Variants in STK3 observed in about 807,000 individuals in gnomAD.
STK3 encodes the protein serine/threonine kinase 3.
A neutral mutation model predicts 58.0 loss-of-function variants in STK3; 41 were observed. That is an observed-to-expected ratio of 0.71 (90% CI 0.55 to 0.92). The LOEUF (loss-of-function observed/expected upper bound fraction) is 0.92. Among genes scored for constraint, STK3 ranks in the 40% least tolerant of loss-of-function variants. STK3 has a pLI of 0.00. For synonymous variants in STK3, 170 were observed against 191.0 expected, an observed-to-expected ratio of 0.89 and a Z score of 0.91; for missense variants, 479 against 602.7, an observed-to-expected ratio of 0.79 and a Z score of 2.15.
At chr8:98,713,980 G>T (rs199516155) in intron 4 of STK3, among the ~76,000 whole-genome samples, 7 of 151,960 alleles carry the variant, frequency 4.6e-5, no homozygotes, top group Admixed American at 4.6e-4. Flanking sequence ...TTCAACATAC[G>T]CAAATGAATA....
chr8:98,581,035 T>C (rs927052899), intron 7 of STK3, among the ~76,000 whole-genome samples: 1 of 152,240 alleles, frequency 6.6e-6, no homozygotes, highest in African/African-American at 2.4e-5. Flanking sequence ...TGGTAGAGAC[T>C]CCTGGTCATA....
In STK3 at chr8:98,876,598, A is replaced by T. The variant is rs1465369161; in HGVS notation, c.110+7049T>A. ...AGGACCACAGGAACACTCTCACTAC[A>T]CTGCGGCTCCACAAAGCTTTATTCT... On this transcript the variant is annotated intron_variant, in intron 3 of 12. Transcript: ENST00000523601. 2.6e-5 allele frequency among the ~76,000 whole-genome samples: 4 copies of T among 152,292 alleles called. No individual in the cohort carries two copies. The East Asian group carries it at 5.8e-4, about 22-fold the overall frequency.
Position 98,502,507 on chromosome 8 carries a change from G to A in STK3, c.1317+24235C>T, listed in dbSNP as rs1030661432. 9.9e-5 allele frequency among the ~76,000 whole-genome samples: 15 copies of A among 152,152 alleles called. 1 individual carries two copies. Among genetic ancestry groups the A allele is most frequent in the Admixed American group, 9.2e-4 (14 of 15,274 alleles). On this transcript the variant is annotated intron_variant, in intron 10 of 10. Coordinates refer to ENST00000419617, the MANE Select transcript of STK3 (RefSeq NM_006281.4). ...CAAGTTTTCAAAGGGAATGCTTCCA[G>A]TTTTTGCCCATTCAGTATGATATTG...
intron 1 of STK3, among the ~76,000 whole-genome samples, chr8:98,897,756 A>G (rs1029316088): frequency 1.3e-5 from 2 of 152,140 alleles, no homozygotes; most frequent in African/African-American, 4.8e-5. Flanking sequence ...TAAGGCCTGT[A>G]TTTTCTCTTC....
At chr8:98,630,178 C>CCATG (rs1819073717) in intron 6 of STK3, among the ~76,000 whole-genome samples, 1 of 152,186 alleles carries the variant, frequency 6.6e-6, no homozygotes, top group South Asian at 2.1e-4. Flanking sequence ...GTCTGATGTG[C>CCATG]CATGCCCTCT....
Position 98,719,197 on chromosome 8 carries a change from G to A in STK3, c.352-11886C>T, listed in dbSNP as rs1356885905. ...CTGTCATGTGCACCTAGCTTTTCTC[G>A]TCTGTCCTCATCCTCCACTCTTTGT... On this transcript the variant is annotated intron_variant, in intron 4 of 10. Transcript: ENST00000419617. Among the ~76,000 whole-genome samples, 11 of 152,128 alleles carry A rather than the reference G, an allele frequency of 7.2e-5. No individual in the cohort carries two copies. In the South Asian group the frequency reaches 1.0e-3, roughly 14 times the overall value.
At chr8:98,429,497 G>A (rs1016958013) in intron 3 of STK3, 14 of 967,892 alleles carry the variant, frequency 1.4e-5, no homozygotes, top group Non-Finnish European at 2.2e-5. Context: ...TATGGTTATG[G>A]TGTAAGGAGT....
At chr8:98,611,861 A>G (rs1004820958) in intron 6 of STK3, among the ~76,000 whole-genome samples, 2 of 152,048 alleles carry the variant, frequency 1.3e-5, no homozygotes, top group Admixed American at 6.5e-5. Context: ...ATCAAACAGT[A>G]TGGATCCAAA....
chr8:98,815,736 G>A (rs1315646687), intron 1 of STK3, among the ~76,000 whole-genome samples: 1 of 152,146 alleles, frequency 6.6e-6, no homozygotes, highest in African/African-American at 2.4e-5. Context: ...TTGAAAACTT[G>A]TAAATAAAAG....
intron 6 of STK3, among the ~76,000 whole-genome samples, chr8:98,658,489 G>T (rs533739822): frequency 1.3e-5 from 2 of 152,140 alleles, no homozygotes; most frequent in East Asian, 3.9e-4. Context: ...CCCAAACTAT[G>T]TAAGAAGTTA....
chr8:98,733,934 T>C (rs1387650202), intron 4 of STK3, among the ~76,000 whole-genome samples: 1 of 152,178 alleles, frequency 6.6e-6, no homozygotes, highest in African/African-American at 2.4e-5. Context: ...AGAGATTTGA[T>C]TGACTCACAG....
intron 4 of STK3, among the ~76,000 whole-genome samples, chr8:98,736,652 C>T (rs1167216500): frequency 6.6e-6 from 1 of 152,040 alleles, no homozygotes; most frequent in Non-Finnish European, 1.5e-5. Context: ...GAACGCTTTA[C>T]CCCTAATAAG....
chr8:98,735,424 T>C (rs1342996675), intron 4 of STK3, among the ~76,000 whole-genome samples: 1 of 152,166 alleles, frequency 6.6e-6, no homozygotes, highest in Non-Finnish European at 1.5e-5. Flanking sequence ...TTTAAAATAC[T>C]GTGAAAAAAT....
intron 1 of STK3, among the ~76,000 whole-genome samples, chr8:98,924,021 C>A (rs1364365185): frequency 6.6e-6 from 1 of 152,116 alleles, no homozygotes; most frequent in Non-Finnish European, 1.5e-5. Context: ...AGCACTAAAA[C>A]CAGTCATTGT....
downstream of STK3, among the ~76,000 whole-genome samples, chr8:98,396,419 A>G (rs1432211878): frequency 2.0e-5 from 3 of 152,182 alleles, no homozygotes; most frequent in African/African-American, 7.2e-5. Context: ...TTCCTGTTGA[A>G]AGAAGAAAGA....
chr8:98,873,614 A>C (rs201218591), intron 3 of STK3, among the ~76,000 whole-genome samples: 1 of 150,712 alleles, frequency 6.6e-6, no homozygotes, highest in East Asian at 1.9e-4. Flanking sequence ...TGTCTCTTTT[A>C]ATCTTTGTTG....
intron 3 of STK3, among the ~76,000 whole-genome samples, chr8:98,870,845 A>C (rs187967042): frequency 1.4e-3 from 220 of 152,258 alleles, no homozygotes; most frequent in Non-Finnish European, 2.6e-3. Flanking sequence ...TCTTTAGTTT[A>C]ATTAGATCCC....
chr8:98,884,587 T>C (rs967972239), intron 1 of STK3, among the ~76,000 whole-genome samples: 2 of 152,240 alleles, frequency 1.3e-5, no homozygotes, highest in Admixed American at 6.5e-5. Flanking sequence ...AATGCTTATG[T>C]CCCCTTAAAA....
intron 6 of STK3, among the ~76,000 whole-genome samples, chr8:98,599,425 G>A (rs951060088): frequency 2.6e-5 from 4 of 152,038 alleles, no homozygotes; most frequent in African/African-American, 9.7e-5. Context: ...CTACCTGACT[G>A]TGTGGCTTTA....
Sources: gnomAD v4.1 joint callset for allele counts (sites outside exome capture counted in the v4.1 genomes callset) on GRCh38, gnomAD v4.1.1 for gene constraint, MANE v1.5 for transcripts, NCBI Gene and HGNC (gene_info 2026-07-23, HGNC 2026-07-21) for gene names.